SMYD3: variants seen among roughly 807,000 people sequenced by gnomAD.
SMYD3 encodes SET and MYND domain containing 3.
Under a neutral mutation model 57.7 loss-of-function variants are expected in SMYD3, and 36 were observed. That is an observed-to-expected ratio of 0.62 (90% CI 0.48 to 0.82). SMYD3 has a LOEUF of 0.82. Among genes scored for constraint, SMYD3 ranks in the 40% least tolerant of loss-of-function variants. The pLI is 0.00. For missense variants in SMYD3, 515 were observed against 538.8 expected, an observed-to-expected ratio of 0.96 and a Z score of 0.44; for synonymous variants, 211 against 195.0, an observed-to-expected ratio of 1.08 and a Z score of -0.68.
At chr1:246,347,684 T>C (rs982093763) in intron 2 of SMYD3, among the ~76,000 whole-genome samples, 1 of 152,150 alleles carries the variant, frequency 6.6e-6, no homozygotes, top group Non-Finnish European at 1.5e-5. Flanking sequence ...ATTCCAGTAT[T>C]TGATGCCCTC....
intron 1 of SMYD3, among the ~76,000 whole-genome samples, chr1:246,444,233 T>TA (rs1278466706): frequency 6.6e-6 from 1 of 152,046 alleles, no homozygotes; most frequent in East Asian, 1.9e-4. Flanking sequence ...TTCAAGCAAT[T>TA]TTCTGCCTCA....
At chr1:245,886,304 A>G (rs2053082785) in intron 8 of SMYD3, among the ~76,000 whole-genome samples, 1 of 152,130 alleles carries the variant, frequency 6.6e-6, no homozygotes, top group Non-Finnish European at 1.5e-5. Context: ...AGAGAAAGAG[A>G]AAGCCCACAT....
chr1:245,863,663 T>C, intron 9 of SMYD3, 136 bp downstream of exon 9: 1 of 734,814 alleles, frequency 1.4e-6, no homozygotes, highest in Non-Finnish European at 2.3e-6. Context: ...AGGTGCGGCC[T>C]GTGACCATGG....
At chr1:246,073,839 C>T (rs1044663590) in intron 5 of SMYD3, among the ~76,000 whole-genome samples, 1 of 152,106 alleles carries the variant, frequency 6.6e-6, no homozygotes, top group Non-Finnish European at 1.5e-5. Flanking sequence ...CATAGAGGTA[C>T]TGGAAAGCAC....
At chr1:246,363,730 C>T (rs1165488586) in intron 1 of SMYD3, among the ~76,000 whole-genome samples, 1 of 152,020 alleles carries the variant, frequency 6.6e-6, no homozygotes, top group East Asian at 1.9e-4. Flanking sequence ...GCAGCATGCT[C>T]GTTAAGAGTC....
intron 5 of SMYD3, among the ~76,000 whole-genome samples, chr1:246,142,615 G>T (rs2061775395): frequency 6.6e-6 from 1 of 152,100 alleles, no homozygotes; most frequent in Non-Finnish European, 1.5e-5. Context: ...CATGTCCCGG[G>T]GGATACGGGA....
At chr1:246,206,062 CG>C (rs2062995613) in intron 5 of SMYD3, among the ~76,000 whole-genome samples, 1 of 152,020 alleles carries the variant, frequency 6.6e-6, no homozygotes, top group African/African-American at 2.4e-5. Context: ...TGGCAAGGAT[CG>C]GGCTTTCTAT....
At chr1:246,077,894 A>C (rs142650344) in intron 5 of SMYD3, among the ~76,000 whole-genome samples, 142 of 152,256 alleles carry the variant, frequency 9.3e-4, no homozygotes, top group South Asian at 1.9e-3. Flanking sequence ...TAAAAAGAAA[A>C]CAATCGTTTG....
intron 8 of SMYD3, among the ~76,000 whole-genome samples, chr1:245,902,254 C>A (rs1375153503): frequency 6.6e-6 from 1 of 152,180 alleles, no homozygotes; most frequent in Admixed American, 6.5e-5. Context: ...GGGAGGCTGC[C>A]CCCATGACAA....
chr1:245,872,666 A>C (rs554963293), intron 8 of SMYD3, among the ~76,000 whole-genome samples: 36 of 152,288 alleles, frequency 2.4e-4, no homozygotes, highest in African/African-American at 8.7e-4. Flanking sequence ...TTCACTTTAC[A>C]TTCCCACCGT....
chr1:246,278,443 T>C (rs377697577), intron 5 of SMYD3, among the ~76,000 whole-genome samples: 1 of 152,116 alleles, frequency 6.6e-6, no homozygotes, highest in Non-Finnish European at 1.5e-5. Context: ...AACTCCATCT[T>C]GCCATCAGAT....
At chr1:246,064,794 G>A (rs2060313165) in intron 5 of SMYD3, among the ~76,000 whole-genome samples, 1 of 152,242 alleles carries the variant, frequency 6.6e-6, no homozygotes, top group Non-Finnish European at 1.5e-5. Flanking sequence ...GAACTTAGAC[G>A]ATTTTGGCAC....
rs372948769 is a variant in SMYD3 at position 246,451,449 on chromosome 1, C to G, written c.164+55605G>C. 8.5e-5 allele frequency among the ~76,000 whole-genome samples: 13 copies of G among 152,072 alleles called. No individual in the cohort carries two copies. In the East Asian group the frequency reaches 2.3e-3, roughly 27 times the overall value. ...TTAGGAAAAGGCAAAACTATAGAGA[C>G]AGTAAAAGGATCAGTGATGACCAGG... On this transcript the variant is annotated intron_variant, in intron 1 of 11. Coordinates refer to ENST00000490107, the MANE Select transcript of SMYD3 (RefSeq NM_001167740.2).
intron 1 of SMYD3, among the ~76,000 whole-genome samples, chr1:246,409,127 G>A (rs1043068279): frequency 1.9e-4 from 29 of 152,116 alleles, no homozygotes; most frequent in African/African-American, 6.3e-4. Flanking sequence ...TCTGTAGGTT[G>A]CCTGTTCATT....
chr1:246,068,779 T>G (rs1472070466), intron 5 of SMYD3, among the ~76,000 whole-genome samples: 1 of 152,222 alleles, frequency 6.6e-6, no homozygotes, highest in Non-Finnish European at 1.5e-5. Context: ...GAAGTCAGTG[T>G]GAATGGTTCT....
chr1:246,063,100 G>T (rs574332444), intron 5 of SMYD3, among the ~76,000 whole-genome samples: 1 of 152,120 alleles, frequency 6.6e-6, no homozygotes, highest in African/African-American at 2.4e-5. Flanking sequence ...CTCAGGGCTC[G>T]GCACACAGTC....
intron 11 of SMYD3, among the ~76,000 whole-genome samples, chr1:245,760,899 G>A (rs938042795): frequency 6.6e-6 from 1 of 152,222 alleles, no homozygotes. Flanking sequence ...GCTTGAGATT[G>A]GCAAGCACAC....
intron 8 of SMYD3, among the ~76,000 whole-genome samples, chr1:245,888,689 G>T (rs1275813344): frequency 1.3e-5 from 2 of 152,178 alleles, no homozygotes; most frequent in East Asian, 3.8e-4. Flanking sequence ...ATATTCGATG[G>T]ATCTAAGTAC....
intron 5 of SMYD3, among the ~76,000 whole-genome samples, chr1:246,278,564 C>A (rs1008200917): frequency 3.3e-5 from 5 of 152,166 alleles, no homozygotes; most frequent in Admixed American, 6.5e-5. Context: ...TAGACTTCAG[C>A]CAAGAGCCGG....
Sources: allele counts gnomAD v4.1 joint callset (sites outside exome capture counted in the v4.1 genomes callset), GRCh38; gene constraint gnomAD v4.1.1; transcripts MANE v1.5; gene names NCBI Gene and HGNC (gene_info 2026-07-23, HGNC 2026-07-21).